HIBCH: variants seen among roughly 807,000 people sequenced by gnomAD.
HIBCH encodes 3-hydroxyisobutyryl-CoA hydrolase, also known as 3-hydroxyisobutyryl-CoA hydrolase, mitochondrial.
A neutral mutation model predicts 58.2 loss-of-function variants in HIBCH; 50 were observed. That is an observed-to-expected ratio of 0.86 (90% CI 0.68 to 1.09). The LOEUF is 1.09. Among genes scored for constraint, HIBCH ranks in the 50% least tolerant of loss-of-function variants. The pLI is 0.00. For missense variants in HIBCH, 450 were observed against 449.7 expected (o/e 1.00, Z -0.01); for synonymous variants, 151 against 146.9 (o/e 1.03, Z -0.20).
chr2:190,319,742 C>T lies in HIBCH; in HGVS notation c.9G>A (p.Gln3=), dbSNP rs1183989954. Residue 3 remains glutamine, a synonymous_variant, in exon 1 of 14, where the codon CAG becomes CAA. Transcript: ENST00000359678. MG[Q]REMWRLMSRF... is the part of the protein sequence containing the mutation. ...TCGACATGAGCCTCCACATCTCGCG[C>T]TGCCCCATCGCCAAACACTCCGAAG... 2 of 1,612,920 alleles carry T rather than the reference C, an allele frequency of 1.2e-6. No homozygotes were observed. Among genetic ancestry groups the T allele is most frequent in the Non-Finnish European group, 1.7e-6 (2 of 1,179,530 alleles).
At chr2:190,200,203 C>CA, downstream of HIBCH, 1 of 1,463,648 alleles carries the variant, frequency 6.8e-7, no homozygotes, top group South Asian at 1.2e-5. Context: ...ATAAATGTGA[C>CA]AAAAGCAAAA....
chr2:190,266,683 C>G (rs1362769912), intron 6 of HIBCH, among the ~76,000 whole-genome samples: 2 of 152,122 alleles, frequency 1.3e-5, no homozygotes, highest in African/African-American at 2.4e-5. Flanking sequence ...ACGCGCCCGC[C>G]TCGGCCTCCC....
At chr2:190,294,022 GTATA>G (rs1553505756) in intron 4 of HIBCH, among the ~76,000 whole-genome samples, 3,341 of 83,012 alleles carry the variant, frequency 0.04, 145 homozygotes, top group African/African-American at 0.13. Context: ...TATTTTGTGT[GTATA>G]TATATATATA....
At chr2:190,280,684 G>A (rs1228254984) in intron 6 of HIBCH, among the ~76,000 whole-genome samples, 1 of 152,140 alleles carries the variant, frequency 6.6e-6, no homozygotes, top group Non-Finnish European at 1.5e-5. Flanking sequence ...TAAACACACT[G>A]AGCATATGGC....
chr2:190,277,179 G>A (rs1002358846), intron 6 of HIBCH, among the ~76,000 whole-genome samples: 17 of 152,010 alleles, frequency 1.1e-4, no homozygotes, highest in Admixed American at 1.1e-3. Context: ...AGAAACACTG[G>A]AATAATTTTA....
Position 190,252,210 on chromosome 2 carries a change from T to A in HIBCH, c.615A>T (p.Arg205Ser), listed in dbSNP as rs1350314221. ...LALTGFRLKGRDVYRAGIATH... is the reference protein window; with the variant it reads ...LALTGFRLKGSDVYRAGIATH... ...TAGCAATTCCTGCTCTGTACACATC[T>A]CTTCCTTTTAGTCTGAATCCTGTTA... The change falls in exon 8 of 14, where the codon AGA (arginine) becomes AGT (serine). Residue 205 changes from arginine (R) to serine (S), a missense_variant. By Grantham distance (110) the Arg-to-Ser change is moderately radical. Coordinates refer to ENST00000359678, the MANE Select transcript of HIBCH (RefSeq NM_014362.4). The A allele has an allele frequency of 1.2e-6, 2 of 1,613,788 alleles. No homozygotes were observed. Among genetic ancestry groups the A allele is most frequent in the Non-Finnish European group, 1.7e-6 (2 of 1,179,776 alleles).
intron 4 of HIBCH, among the ~76,000 whole-genome samples, chr2:190,291,702 T>G (rs982353810): frequency 1.3e-5 from 2 of 152,230 alleles, no homozygotes; most frequent in Non-Finnish European, 2.9e-5. Context: ...ATCTACTGAA[T>G]AGTGAACACT....
intron 10 of HIBCH, among the ~76,000 whole-genome samples, 190 bp downstream of exon 10, chr2:190,245,964 T>TGG (rs1686593412): frequency 7.7e-6 from 1 of 130,626 alleles, no homozygotes; most frequent in East Asian, 2.2e-4. Context: ...CACTCCAGCC[T>TGG]GGGGGATAGA....
In HIBCH at chr2:190,205,048, G is replaced by A; in HGVS notation, c.*69C>T. 1.3e-6 allele frequency: 1 copy of A among 797,594 alleles called. No individual in the cohort carries two copies. Among genetic ancestry groups the A allele is most frequent in the Non-Finnish European group, 2.2e-6 (1 of 451,144 alleles). 49.4% of individuals were successfully genotyped at this position (797,594 alleles called of 1,614,324 possible). A position where few individuals can be genotyped will look rare whatever the true frequency, so the allele number is the denominator to read the frequency against. The stretch of plus-strand genomic sequence containing the variant: ...CAGGGTATATAAAAACAGGCAGCAG[G>A]CTGGATTTGGCCCACATGCTGTAGA... On this transcript the variant is annotated 3_prime_UTR_variant, in exon 14 of 14. Coordinates refer to ENST00000359678, the MANE Select transcript of HIBCH (RefSeq NM_014362.4).
Position 190,306,841 on chromosome 2 carries a change from T to C in HIBCH, c.78+3913A>G, listed in dbSNP as rs145373553. Among the ~76,000 whole-genome samples, 688 of 152,188 alleles carry C rather than the reference T, an allele frequency of 4.5e-3. 3 individuals are homozygous for C. Among genetic ancestry groups the C allele is most frequent in the African/African-American group, 0.015 (641 of 41,542 alleles). The stretch of plus-strand genomic sequence containing the variant: ...TCATGTCAGCCCTCATGAATGAGAT[T>C]AACGCCCTTATAAAAGAAACCCTGG... On this transcript the variant is annotated intron_variant, in intron 2 of 13. Coordinates refer to ENST00000359678, the MANE Select transcript of HIBCH (RefSeq NM_014362.4). This position sits in a 1 kb window ranked among gnomAD's most constrained non-coding sequence, Gnocchi z 4.6.
intron 6 of HIBCH, among the ~76,000 whole-genome samples, chr2:190,270,875 T>C (rs1687377441): frequency 6.6e-6 from 1 of 152,128 alleles, no homozygotes; most frequent in Admixed American, 6.6e-5. Context: ...AATAATGTAT[T>C]TTAATGGACT....
chr2:190,268,224 G>A (rs1687294892), intron 6 of HIBCH, among the ~76,000 whole-genome samples: 1 of 152,112 alleles, frequency 6.6e-6, no homozygotes, highest in Non-Finnish European at 1.5e-5. Context: ...TATTTAAAAA[G>A]TTATACCACT....
chr2:190,290,352 G>GTTTATTTCTTTAT lies in HIBCH; in HGVS notation c.385+52_385+53insATAAAGAAATAAA. ...TTGCATTTTTAACAAAGTACATACTGTCCACCTCATTTCTTTATTCCATTT... is the reference window on the plus strand; with the variant it reads ...TTGCATTTTTAACAAAGTACATACTGTTTATTTCTTTATTCCACCTCATTTCTTTATTCCATTT... On this transcript the variant is annotated intron_variant, in intron 5 of 13. Transcript: ENST00000359678. The GTTTATTTCTTTAT allele has an allele frequency of 2.5e-6, 3 of 1,204,640 alleles. 1 individual carries two copies. The South Asian group carries it at 3.6e-5, about 15-fold the overall frequency. 74.6% of individuals were successfully genotyped at this position (1,204,640 alleles called of 1,614,324 possible).
At chr2:190,288,229 G>A (rs1687880148) in intron 5 of HIBCH, among the ~76,000 whole-genome samples, 2 of 148,840 alleles carry the variant, frequency 1.3e-5, no homozygotes, top group African/African-American at 5.0e-5. Context: ...TATCAAAGAT[G>A]TCAATTCCCT....
At chr2:190,301,770 C>G (rs1688268923) in intron 2 of HIBCH, among the ~76,000 whole-genome samples, 2 of 152,186 alleles carry the variant, frequency 1.3e-5, no homozygotes, top group Admixed American at 6.5e-5. Context: ...AGATTCAGTG[C>G]CTGGTGAGAC....
chr2:190,241,979 C>G (rs1686468069), intron 11 of HIBCH, among the ~76,000 whole-genome samples: 1 of 152,104 alleles, frequency 6.6e-6, no homozygotes, highest in Non-Finnish European at 1.5e-5. Context: ...TCGCGGCGTT[C>G]TCTGTATTTC....
At chr2:190,274,928 C>G (rs1449299981) in intron 6 of HIBCH, among the ~76,000 whole-genome samples, 1 of 152,186 alleles carries the variant, frequency 6.6e-6, no homozygotes, top group African/African-American at 2.4e-5. Context: ...ACACATTTCT[C>G]TTACAAAAAG....
Position 190,254,572 on chromosome 2 carries a change from T to C in HIBCH, c.518-2265A>G, listed in dbSNP as rs1410911725. On this transcript the variant is annotated intron_variant, in intron 7 of 13. Coordinates refer to ENST00000359678, the MANE Select transcript of HIBCH (RefSeq NM_014362.4). The surrounding 1 kb of genome is among the most constrained non-coding windows in gnomAD (Gnocchi z 5.0). The stretch of plus-strand genomic sequence containing the variant: ...GATCTGCCACCTAAACAGAACCACA[T>C]AGATAATAAGTATCTCACATTTAAC... 1.3e-5 allele frequency among the ~76,000 whole-genome samples: 2 copies of C among 152,142 alleles called. No homozygotes were observed. Among genetic ancestry groups the C allele is most frequent in the East Asian group, 1.9e-4 (1 of 5,200 alleles).
chr2:190,199,578 GTTTTTAC>G, downstream of HIBCH: 1 of 434,642 alleles, frequency 2.3e-6, no homozygotes, highest in Non-Finnish European at 3.6e-6. Context: ...AAAGCTGTTT[GTTTTTAC>G]CTCAGATTTC....
Sources: allele counts gnomAD v4.1 joint callset (sites outside exome capture counted in the v4.1 genomes callset), GRCh38; gene constraint gnomAD v4.1.1; non-coding constraint Gnocchi (gnomAD v3.1); transcripts MANE v1.5; gene names NCBI Gene and HGNC (gene_info 2026-07-23, HGNC 2026-07-21).